Variants in GRID1 observed in about 807,000 individuals in gnomAD.
GRID1 encodes the protein glutamate ionotropic receptor delta type subunit 1.
In GRID1, 28 loss-of-function variants were observed where a neutral mutation model predicts 98.0. The ratio of observed to expected loss-of-function variants is 0.29; its 90% CI spans 0.21 to 0.39. The LOEUF (loss-of-function observed/expected upper bound fraction) is 0.39, where lower values mean the gene tolerates loss of function less well. Among genes scored for constraint, GRID1 ranks in the 10% least tolerant of loss-of-function variants. GRID1 has a pLI of 1.00. For synonymous variants in GRID1, 553 were observed against 538.5 expected, an observed-to-expected ratio of 1.03 and a Z score of -0.37; for missense variants, 1,111 against 1,340.5, an observed-to-expected ratio of 0.83 and a Z score of 2.67.
At chr10:86,154,681 A>G (rs1450888377) in intron 3 of GRID1, among the ~76,000 whole-genome samples, 1 of 152,218 alleles carries the variant, frequency 6.6e-6, no homozygotes. Flanking sequence ...TGTTCAAATT[A>G]ATTACAGAAA....
chr10:85,602,183 G>A lies in GRID1; in HGVS notation c.*90C>T, dbSNP rs78790268. 6 of 701,212 alleles carry A rather than the reference G, an allele frequency of 8.6e-6. No homozygotes were observed. In the East Asian group the frequency reaches 1.1e-4, roughly 13 times the overall value. The allele number at this position is 701,212 out of a possible 1,614,324, so 43.4% of individuals were successfully genotyped here. Reference sequence around the variant, plus strand: ...TCTCTGTGTATGTGTGTGTGTGCGAGTGTGTGTGGTTTGTGTTGTTGTTTT... The same window carrying A: ...TCTCTGTGTATGTGTGTGTGTGCGAATGTGTGTGGTTTGTGTTGTTGTTTT... On this transcript the variant is annotated 3_prime_UTR_variant, in exon 16 of 16. Coordinates refer to ENST00000327946, the MANE Select transcript of GRID1 (RefSeq NM_017551.3).
chr10:86,244,635 C>T (rs1295179382), intron 2 of GRID1, among the ~76,000 whole-genome samples: 1 of 152,226 alleles, frequency 6.6e-6, no homozygotes, highest in East Asian at 1.9e-4. Context: ...CAGCGGCGAA[C>T]ACAAGAGGCA....
intron 8 of GRID1, among the ~76,000 whole-genome samples, chr10:85,732,294 T>A (rs1053932827): frequency 5.3e-5 from 8 of 152,144 alleles, no homozygotes; most frequent in Non-Finnish European, 8.8e-5. Flanking sequence ...ACAGAAGACA[T>A]CTTGTCCTAA....
At chr10:85,669,080 G>A (rs73326666) in intron 12 of GRID1, among the ~76,000 whole-genome samples, 6,854 of 152,304 alleles carry the variant, frequency 0.045, 467 homozygotes, top group African/African-American at 0.15. Flanking sequence ...TAATCACAGG[G>A]TTCCCCATTC....
At position 85,880,359 on chromosome 10, in the gene GRID1, T is replaced by C. The variant is rs553490742; in HGVS notation, c.781-11179A>G. Among the ~76,000 whole-genome samples the C allele has an allele frequency of 3.3e-5, 5 of 152,296 alleles. No individual in the cohort carries two copies. In the South Asian group the frequency reaches 1.0e-3, roughly 32 times the overall value. On this transcript the variant is annotated intron_variant, in intron 5 of 15. Coordinates refer to ENST00000327946, the MANE Select transcript of GRID1 (RefSeq NM_017551.3). ...GACCAATATCCTTGATGAACATTGA[T>C]GCAAAAATCCTCAATAAAATACTGG...
intron 8 of GRID1, among the ~76,000 whole-genome samples, chr10:85,798,923 G>T (rs1842550949): frequency 6.6e-6 from 1 of 151,798 alleles, no homozygotes; most frequent in Non-Finnish European, 1.5e-5. Flanking sequence ...AAAAGTTATT[G>T]CCTAGACCAA....
intron 5 of GRID1, among the ~76,000 whole-genome samples, chr10:85,901,212 ATTTATTTTAT>A (rs568611741): frequency 2.7e-5 from 4 of 149,336 alleles, no homozygotes; most frequent in South Asian, 2.1e-4. Flanking sequence ...TTATTTATTC[ATTTATTTTAT>A]TTTATTTTAT....
intron 4 of GRID1, among the ~76,000 whole-genome samples, chr10:85,958,287 G>A (rs1842220478): frequency 6.6e-6 from 1 of 152,162 alleles, no homozygotes; most frequent in Non-Finnish European, 1.5e-5. Flanking sequence ...CAAACTACCT[G>A]CCCCTCACCC....
chr10:86,057,034 T>C (rs1448899253), intron 4 of GRID1, among the ~76,000 whole-genome samples: 1 of 152,228 alleles, frequency 6.6e-6, no homozygotes, highest in Non-Finnish European at 1.5e-5. Context: ...AAAGGGCTGC[T>C]GTCCCTGGGA....
At chr10:86,307,539 G>A (rs1163141177) in intron 2 of GRID1, among the ~76,000 whole-genome samples, 1 of 152,010 alleles carries the variant, frequency 6.6e-6, no homozygotes, top group South Asian at 2.1e-4. Flanking sequence ...GAGCTGCTGT[G>A]GGGGGGAATG....
intron 3 of GRID1, among the ~76,000 whole-genome samples, chr10:86,145,490 A>ACATGGTT (rs1239520637): frequency 6.6e-6 from 1 of 151,864 alleles, no homozygotes; most frequent in African/African-American, 2.4e-5. Flanking sequence ...TCCTCAAACC[A>ACATGGTT]TGTACCTTGG....
At chr10:85,854,449 G>A (rs372986345) in intron 8 of GRID1, 47 bp downstream of exon 8, 1 of 1,598,112 alleles carries the variant, frequency 6.3e-7, no homozygotes, top group Non-Finnish European at 8.6e-7. Context: ...GCTGTCTTTG[G>A]TGGCACCATA....
intron 2 of GRID1, among the ~76,000 whole-genome samples, chr10:86,318,169 C>T (rs951873887): frequency 6.6e-6 from 1 of 152,218 alleles, no homozygotes; most frequent in Non-Finnish European, 1.5e-5. Flanking sequence ...AGGCCAAGGC[C>T]CCCTCCAGGC....
intron 4 of GRID1, among the ~76,000 whole-genome samples, chr10:86,118,531 T>C (rs1473333562): frequency 6.6e-6 from 1 of 152,076 alleles, no homozygotes; most frequent in Non-Finnish European, 1.5e-5. Flanking sequence ...GAATATCCCA[T>C]GCTGAAGAAT....
At position 86,182,443 on chromosome 10, in the gene GRID1, C is replaced by T. The variant is rs1238551565; in HGVS notation, c.520+23921G>A. Among the ~76,000 whole-genome samples the T allele has an allele frequency of 3.9e-5, 6 of 152,226 alleles. No individual in the cohort carries two copies. The East Asian group carries it at 7.7e-4, about 20-fold the overall frequency. On this transcript the variant is annotated intron_variant, in intron 3 of 15. Transcript: ENST00000327946. ...GCCCCAGCACGGCAGCCTGGTGTCT[C>T]GGGCATGCTAATTACCGTGCTGTCT...
intron 8 of GRID1, among the ~76,000 whole-genome samples, chr10:85,798,307 C>T (rs926118318): frequency 2.0e-5 from 3 of 152,102 alleles, no homozygotes; most frequent in Non-Finnish European, 1.5e-5. Flanking sequence ...ATATGCAAAG[C>T]AATTCTAATA....
intron 5 of GRID1, among the ~76,000 whole-genome samples, chr10:85,877,630 T>A (rs1840915953): frequency 6.6e-6 from 1 of 152,126 alleles, no homozygotes; most frequent in South Asian, 2.1e-4. Context: ...TACGTCACCA[T>A]CATCAAAGAC....
At chr10:86,090,396 C>T (rs1844128480) in intron 4 of GRID1, among the ~76,000 whole-genome samples, 1 of 151,772 alleles carries the variant, frequency 6.6e-6, no homozygotes, top group Admixed American at 6.6e-5. Context: ...CTGGGCAACA[C>T]AGTGAGACTG....
At chr10:85,933,506 C>A (rs1156832208) in intron 4 of GRID1, among the ~76,000 whole-genome samples, 1 of 152,106 alleles carries the variant, frequency 6.6e-6, no homozygotes, top group Non-Finnish European at 1.5e-5. Context: ...AACTTATTTT[C>A]ATACACTTTG....
Sources: allele counts gnomAD v4.1 joint callset (sites outside exome capture counted in the v4.1 genomes callset), GRCh38; gene constraint gnomAD v4.1.1; transcripts MANE v1.5; gene names NCBI Gene and HGNC (gene_info 2026-07-23, HGNC 2026-07-21).